FOXO1: variants seen among roughly 807,000 people sequenced by gnomAD.
The protein encoded by FOXO1 is forkhead box protein O1.
In FOXO1, 6 loss-of-function variants were observed where a neutral mutation model predicts 44.1. The ratio of observed to expected loss-of-function variants is 0.14; its 90% CI spans 0.07 to 0.27. FOXO1 has a LOEUF of 0.27. FOXO1 is among the 10% of genes least tolerant of loss of function. FOXO1 has a pLI of 1.00. For missense variants in FOXO1, 737 were observed against 888.8 expected, an observed-to-expected ratio of 0.83 and a Z score of 2.17; for synonymous variants, 380 against 362.7, an observed-to-expected ratio of 1.05 and a Z score of -0.54.
At chr13:40,586,994 A>G (rs1050743171) in intron 1 of FOXO1, among the ~76,000 whole-genome samples, 1 of 152,226 alleles carries the variant, frequency 6.6e-6, no homozygotes, top group Non-Finnish European at 1.5e-5. Context: ...CCAGCATATT[A>G]CAAAACTGCA....
chr13:40,568,539 A>T (rs1453911127), intron 1 of FOXO1, among the ~76,000 whole-genome samples: 1 of 152,216 alleles, frequency 6.6e-6, no homozygotes, highest in African/African-American at 2.4e-5. Flanking sequence ...GGAAAACATG[A>T]CCTTTTGCCA....
At chr13:40,569,037 C>T (rs1874379720) in intron 1 of FOXO1, among the ~76,000 whole-genome samples, 1 of 152,208 alleles carries the variant, frequency 6.6e-6, no homozygotes. Flanking sequence ...CCAATCCTTA[C>T]CTATGGTCTC....
At chr13:40,613,880 T>C (rs1876322314) in intron 1 of FOXO1, among the ~76,000 whole-genome samples, 2 of 152,210 alleles carry the variant, frequency 1.3e-5, no homozygotes, top group Admixed American at 1.3e-4. Context: ...TTAAATGGCT[T>C]GTTTTTCTAA....
At chr13:40,597,833 C>T (rs1408005938) in intron 1 of FOXO1, among the ~76,000 whole-genome samples, 3 of 152,144 alleles carry the variant, frequency 2.0e-5, no homozygotes, top group Admixed American at 2.0e-4. Flanking sequence ...AGGTGTGCTT[C>T]AAAATCTTCA....
intron 1 of FOXO1, among the ~76,000 whole-genome samples, chr13:40,649,023 C>T (rs888657095): frequency 2.1e-4 from 32 of 152,158 alleles, no homozygotes; most frequent in Non-Finnish European, 4.0e-4. Flanking sequence ...AGATAGCAAC[C>T]TGAGAGAGCA....
chr13:40,666,130 G>A lies in FOXO1; in HGVS notation c.83C>T (p.Pro28Leu). Residue 28 changes from proline (P) to leucine (L), a missense_variant, in exon 1 of 3, where the codon CCC (proline) becomes CTC (leucine). This residue lies in a region of FOXO1 where 213 missense variants were observed against 236.4 expected (regional missense o/e 0.90). Transcript: ENST00000379561. ...GTTGGACTGGCTAAACTCCGGCCTG[G>A]GCAGCGGCCAGGTGCACGAGCGCGG... is the stretch of plus-strand genomic sequence containing the variant. ...PRPRSCTWPLPRPEFSQSNSA... is the reference protein window; with the variant it reads ...PRPRSCTWPLLRPEFSQSNSA... 1 of 1,453,634 alleles carries A rather than the reference G, an allele frequency of 6.9e-7. No homozygotes were observed. Among genetic ancestry groups the A allele is most frequent in the Non-Finnish European group, 9.0e-7 (1 of 1,105,960 alleles). 90.0% of individuals were successfully genotyped at this position (1,453,634 alleles called of 1,614,324 possible).
At chr13:40,617,264 G>T (rs572332120) in intron 1 of FOXO1, among the ~76,000 whole-genome samples, 1 of 152,236 alleles carries the variant, frequency 6.6e-6, no homozygotes, top group South Asian at 2.1e-4. Flanking sequence ...TGACCAACAT[G>T]GAGAAGACTC....
intron 1 of FOXO1, chr13:40,620,122 T>C (rs1408322522): frequency 2.4e-6 from 3 of 1,251,668 alleles, no homozygotes; most frequent in Non-Finnish European, 3.5e-6. Context: ...AGGTACTGCA[T>C]ATACCCCATT....
intron 1 of FOXO1, among the ~76,000 whole-genome samples, chr13:40,625,342 A>G (rs1420967328): frequency 6.6e-6 from 1 of 152,222 alleles, no homozygotes; most frequent in Non-Finnish European, 1.5e-5. Context: ...CCACCTAAAG[A>G]AAATAAAAAT....
At chr13:40,570,895 A>G (rs1874465320) in intron 1 of FOXO1, among the ~76,000 whole-genome samples, 1 of 152,222 alleles carries the variant, frequency 6.6e-6, no homozygotes. Flanking sequence ...GAAACGAGCA[A>G]TCCCCTTAGA....
intron 1 of FOXO1, among the ~76,000 whole-genome samples, chr13:40,563,709 TC>T (rs1050432121): frequency 6.6e-6 from 1 of 151,970 alleles, no homozygotes; most frequent in Non-Finnish European, 1.5e-5. Context: ...TACATTTCCC[TC>T]CCATCCTATT....
chr13:40,577,683 A>C (rs1202449986), intron 1 of FOXO1, among the ~76,000 whole-genome samples: 1 of 152,206 alleles, frequency 6.6e-6, no homozygotes, highest in Non-Finnish European at 1.5e-5. Context: ...CAAACTAAGT[A>C]AACTAATCAC....
chr13:40,576,257 G>A (rs1329685587), intron 1 of FOXO1, among the ~76,000 whole-genome samples: 2 of 152,124 alleles, frequency 1.3e-5, no homozygotes, highest in African/African-American at 4.8e-5. Context: ...GAGGTACGGT[G>A]GGTGGGGCCT....
At chr13:40,611,082 T>C in intron 1 of FOXO1, 1 of 456,266 alleles carries the variant, frequency 2.2e-6, no homozygotes, top group Non-Finnish European at 4.4e-6. Flanking sequence ...AAATAAATGC[T>C]TATTCAGTGG....
At chr13:40,641,030 C>T (rs1402143676) in intron 1 of FOXO1, among the ~76,000 whole-genome samples, 1 of 152,166 alleles carries the variant, frequency 6.6e-6, no homozygotes, top group Non-Finnish European at 1.5e-5. Flanking sequence ...GTGATCCACC[C>T]GCCTTGGCCC....
intron 1 of FOXO1, chr13:40,619,934 G>T: frequency 1.5e-6 from 1 of 678,996 alleles, no homozygotes; most frequent in Middle Eastern, 2.5e-4. Flanking sequence ...ACAAACCAAA[G>T]ATTAGGGCCA....
intron 1 of FOXO1, among the ~76,000 whole-genome samples, chr13:40,574,775 AC>A (rs1337207808): frequency 2.0e-5 from 3 of 152,090 alleles, no homozygotes; most frequent in African/African-American, 7.3e-5. Flanking sequence ...ACTGCTGTTG[AC>A]TGAACAAAGT....
intron 1 of FOXO1, among the ~76,000 whole-genome samples, chr13:40,639,077 C>T (rs769085003): frequency 6.6e-6 from 1 of 152,064 alleles, no homozygotes; most frequent in South Asian, 2.1e-4. Flanking sequence ...GCCTGTAATC[C>T]CAGCTACTTG....
At chr13:40,664,825 CCGCCA>C (rs2137948952) in intron 1 of FOXO1, among the ~76,000 whole-genome samples, 1 of 151,252 alleles carries the variant, frequency 6.6e-6, no homozygotes, top group Non-Finnish European at 1.5e-5. Flanking sequence ...GCCACCGCCA[CCGCCA>C]CCGCCCGCGC....
Sources: allele counts gnomAD v4.1 joint callset (sites outside exome capture counted in the v4.1 genomes callset), GRCh38; gene constraint gnomAD v4.1.1; regional missense constraint gnomAD v4.1.1; transcripts MANE v1.5; gene names NCBI Gene and HGNC (gene_info 2026-07-23, HGNC 2026-07-21).